PHLDB1: variants seen among roughly 807,000 people sequenced by gnomAD.
PHLDB1 encodes pleckstrin homology like domain family B member 1, also known as pleckstrin homology-like domain family B member 1.
PHLDB1 carries 65 observed loss-of-function variants against 139.3 expected under a neutral mutation model. That is an observed-to-expected ratio of 0.47 (90% CI 0.38 to 0.57). The LOEUF (loss-of-function observed/expected upper bound fraction) is 0.57, where lower values mean the gene tolerates loss of function less well. Ranked by LOEUF, PHLDB1 falls within the 20% of genes least tolerant of loss-of-function variation. PHLDB1 has a pLI of 0.00. For missense variants in PHLDB1, 1,624 were observed against 1,839.7 expected, an observed-to-expected ratio of 0.88 and a Z score of 2.14; for synonymous variants, 679 against 734.5, an observed-to-expected ratio of 0.92 and a Z score of 1.22.
At position 118,615,651 on chromosome 11, in the gene PHLDB1, G is replaced by A. The variant is rs993167576; in HGVS notation, c.185-390G>A. On this transcript the variant is annotated intron_variant, in intron 3 of 22. Transcript: ENST00000600882. ...GCAGAAGCGGGGGAGAGAAGAAGGA[G>A]AGAAAGGGAGATTTAGAAGAAATGA... is the stretch of plus-strand genomic sequence containing the variant. 3.4e-5 allele frequency: 6 copies of A among 175,436 alleles called. No individual in the cohort carries two copies. The East Asian group carries it at 9.5e-4, about 28-fold the overall frequency. The allele number at this position is 175,436 out of a possible 1,614,324, so 10.9% of individuals were successfully genotyped here.
Position 118,628,325 on chromosome 11 carries a change from C to T in PHLDB1, c.1502C>T (p.Ser501Leu), listed in dbSNP as rs1366133712. ...RPRRWAAHGA[S>L]PEDFSLTLGA... ...CGGCGCTGGGCAGCCCATGGGGCTT[C>T]ACCAGAGGACTTCTCCCTGACGCTG... Residue 501 changes from serine (S) to leucine (L), a missense_variant, in exon 6 of 23, where the codon TCA (serine) becomes TTA (leucine). By Grantham distance (145) the Ser-to-Leu change is moderately radical (BLOSUM62 -2). Transcript: ENST00000600882. 4 of 1,613,030 alleles carry T rather than the reference C, an allele frequency of 2.5e-6. No homozygotes were observed. The East Asian group carries it at 6.7e-5, about 27-fold the overall frequency.
chr11:118,626,929 A>C, intron 5 of PHLDB1: 1 of 238,018 alleles, frequency 4.2e-6, no homozygotes, highest in Non-Finnish European at 8.1e-6. Context: ...TGTTGGGATT[A>C]CAGGCGTGAG....
chr11:118,624,770 C>T (rs560720363), intron 4 of PHLDB1, 164 bp from the exon 5 acceptor site: 16 of 617,098 alleles, frequency 2.6e-5, no homozygotes, highest in East Asian at 5.9e-5. Flanking sequence ...CCACCACACC[C>T]GGCTAATTTT....
At position 118,626,369 on chromosome 11, in the gene PHLDB1, C is replaced by T. The variant is rs554147349; in HGVS notation, c.482-936C>T. ...AGGCGCCCATCTTCTTTGTATAATGCCTTCTGTTTTCTTTTTTCTTTTTTT... is the reference window on the plus strand; with the variant it reads ...AGGCGCCCATCTTCTTTGTATAATGTCTTCTGTTTTCTTTTTTCTTTTTTT... On this transcript the variant is annotated intron_variant, in intron 5 of 22. Coordinates refer to ENST00000600882, the MANE Select transcript of PHLDB1 (RefSeq NM_001144758.3). Among the ~76,000 whole-genome samples, 3 of 152,022 alleles carry T rather than the reference C, an allele frequency of 2.0e-5. No individual in the cohort carries two copies. In the South Asian group the frequency reaches 6.2e-4, roughly 32 times the overall value.
chr11:118,626,134 G>T (rs1315209390), intron 5 of PHLDB1, among the ~76,000 whole-genome samples: 8 of 152,148 alleles, frequency 5.3e-5, no homozygotes, highest in African/African-American at 1.9e-4. Flanking sequence ...CTTGCTGGCA[G>T]CCTGGCTTCC....
chr11:118,627,747 C>G lies in PHLDB1; in HGVS notation c.924C>G (p.Ser308=), dbSNP rs544059010. ...PPQSRPSGAR[S]ESPRLSRKGG... ...AGTCCCGCCCAAGTGGTGCTCGCTC[C>G]GAGAGTCCTCGGCTGAGCAGGAAAG... Residue 308 remains serine, a synonymous_variant, in exon 6 of 23, where the codon TCC becomes TCG. Coordinates refer to ENST00000600882, the MANE Select transcript of PHLDB1 (RefSeq NM_001144758.3). 5 of 1,608,314 alleles carry G rather than the reference C, an allele frequency of 3.1e-6. No homozygotes were observed. The highest frequency in any genetic ancestry group is 4.2e-6 in the Non-Finnish European group (5 of 1,179,932).
intron 1 of PHLDB1, among the ~76,000 whole-genome samples, chr11:118,609,040 A>T (rs1248838114): frequency 7.0e-6 from 1 of 141,974 alleles, no homozygotes; most frequent in Non-Finnish European, 1.5e-5. Flanking sequence ...CCAGTCAAAC[A>T]CGAGGCCCCA....
chr11:118,644,334 C>G, intron 15 of PHLDB1, 160 bp downstream of exon 15: 1 of 618,958 alleles, frequency 1.6e-6, no homozygotes, highest in Non-Finnish European at 2.8e-6. Context: ...GAAGAGCTTC[C>G]TGGATATTTA....
At chr11:118,634,915 C>T in intron 9 of PHLDB1, 1 of 442,356 alleles carries the variant, frequency 2.3e-6, no homozygotes, top group Non-Finnish European at 4.6e-6. Flanking sequence ...CGCCCTCCCG[C>T]CGACCAGGAG....
In PHLDB1 at chr11:118,608,851, C is replaced by T. The variant is rs544801970; in HGVS notation, c.-22+1152C>T. Among the ~76,000 whole-genome samples the T allele has an allele frequency of 2.6e-5, 4 of 152,050 alleles. No individual in the cohort carries two copies. Among genetic ancestry groups the T allele is most frequent in the Admixed American group, 2.0e-4 (3 of 15,264 alleles). On this transcript the variant is annotated intron_variant, in intron 1 of 22. Transcript: ENST00000600882. This position sits in a 1 kb window ranked among gnomAD's most constrained non-coding sequence, Gnocchi z 6.7. The stretch of plus-strand genomic sequence containing the variant: ...CCGCGCTCACGCAGCCCCTCACACC[C>T]GCAGCCCCGCTTACACGCGCCCCAG...
chr11:118,630,902 G>A (rs1191006390), intron 6 of PHLDB1, among the ~76,000 whole-genome samples: 1 of 151,456 alleles, frequency 6.6e-6, no homozygotes, highest in Non-Finnish European at 1.5e-5. Flanking sequence ...GTGTCCTGGG[G>A]TAGACTGAAA....
At position 118,625,040 on chromosome 11, in the gene PHLDB1, C is replaced by T. The variant is rs782221016; in HGVS notation, c.462C>T (p.Pro154=). Residue 154 remains proline, a synonymous_variant, in exon 5 of 23, where the codon CCC becomes CCT. Coordinates refer to ENST00000600882, the MANE Select transcript of PHLDB1 (RefSeq NM_001144758.3). ...MIPAGGRAPG[P]PYSPVPAESE... Reference sequence around the variant, plus strand: ...CAGCAGGGGGCCGAGCCCCTGGGCCCCCCTACAGCCCTGTTCCTGGTAGGT... The same window carrying T: ...CAGCAGGGGGCCGAGCCCCTGGGCCTCCCTACAGCCCTGTTCCTGGTAGGT... The T allele has an allele frequency of 8.1e-6, 13 of 1,610,468 alleles. No homozygotes were observed. Among genetic ancestry groups the T allele is most frequent in the Non-Finnish European group, 1.1e-5 (13 of 1,178,236 alleles).
At chr11:118,641,516 C>T in intron 12 of PHLDB1, 1 of 666,468 alleles carries the variant, frequency 1.5e-6, no homozygotes, top group Non-Finnish European at 2.1e-6. Context: ...TCTGTACTTT[C>T]TGCCCTTTCC....
chr11:118,644,552 A>G lies in PHLDB1; in HGVS notation c.3121+378A>G, dbSNP rs549448307. 3.2e-5 allele frequency: 24 copies of G among 741,056 alleles called. 1 individual carries two copies. In the South Asian group the frequency reaches 3.7e-4, roughly 11 times the overall value. 45.9% of individuals were successfully genotyped at this position (741,056 alleles called of 1,614,324 possible). A position where few individuals can be genotyped will look rare whatever the true frequency, so the allele number is the denominator to read the frequency against. The stretch of plus-strand genomic sequence containing the variant: ...CAGGAGTCCTTGTTGCTTGTGTGCA[A>G]TTTGGTTGTTTTGAAAGCCCATGTC... On this transcript the variant is annotated intron_variant, in intron 15 of 22. Coordinates refer to ENST00000600882, the MANE Select transcript of PHLDB1 (RefSeq NM_001144758.3).
chr11:118,614,806 C>T, intron 3 of PHLDB1, 124 bp downstream of exon 3: 2 of 935,070 alleles, frequency 2.1e-6, no homozygotes, highest in Non-Finnish European at 3.2e-6. Flanking sequence ...CCTCCCCACA[C>T]CACCAGCTTG....
At chr11:118,607,209 GGA>G (rs1939342288), upstream of PHLDB1, among the ~76,000 whole-genome samples, 1 of 151,304 alleles carries the variant, frequency 6.6e-6, no homozygotes, top group Non-Finnish European at 1.5e-5. Context: ...AAGAAAGAGG[GGA>G]GAGTTTGGGG....
At chr11:118,649,404 C>T (rs1489706437) in intron 18 of PHLDB1, among the ~76,000 whole-genome samples, 1 of 152,226 alleles carries the variant, frequency 6.6e-6, no homozygotes, top group Non-Finnish European at 1.5e-5. Context: ...TCTCTTCTAG[C>T]CCCTGTCCTG....
rs1301913544 is a variant in PHLDB1 at position 118,611,799 on chromosome 11, C to G, written c.-21-2017C>G. On this transcript the variant is annotated intron_variant, in intron 1 of 22. Coordinates refer to ENST00000600882, the MANE Select transcript of PHLDB1 (RefSeq NM_001144758.3). This position sits in a 1 kb window ranked among gnomAD's most constrained non-coding sequence, Gnocchi z 4.7. ...CACCGCTGCACTCCAGCCTGGGCAA[C>G]AAGAGTGAAACTCCGTCTCAAAAAA... 6.8e-6 allele frequency among the ~76,000 whole-genome samples: 1 copy of G among 146,062 alleles called. No homozygotes were observed. The highest frequency in any genetic ancestry group is 1.5e-5 in the Non-Finnish European group (1 of 66,622).
rs542596926 is a variant in PHLDB1, at chr11:118,608,413, T to A, written c.-22+714T>A. Reference sequence around the variant, plus strand: ...GGAGGCTGACCCAAGTCATCCGGGCTCCCCCGGGATAGGGAAGTGCGGGCG... The same window carrying A: ...GGAGGCTGACCCAAGTCATCCGGGCACCCCCGGGATAGGGAAGTGCGGGCG... On this transcript the variant is annotated intron_variant, in intron 1 of 22. Coordinates refer to ENST00000600882, the MANE Select transcript of PHLDB1 (RefSeq NM_001144758.3). The surrounding 1 kb of genome is among the most constrained non-coding windows in gnomAD (Gnocchi z 6.7). Among the ~76,000 whole-genome samples, 1 of 152,048 alleles carries A rather than the reference T, an allele frequency of 6.6e-6. No homozygotes were observed. Among genetic ancestry groups the A allele is most frequent in the African/African-American group, 2.4e-5 (1 of 41,444 alleles).
Sources: gnomAD v4.1 joint callset for allele counts (sites outside exome capture counted in the v4.1 genomes callset) on GRCh38, gnomAD v4.1.1 for gene constraint, Gnocchi (gnomAD v3.1) non-coding constraint, MANE v1.5 for transcripts, NCBI Gene and HGNC (gene_info 2026-07-23, HGNC 2026-07-21) for gene names.